MIPOL1: variants seen among roughly 807,000 people sequenced by gnomAD.
The protein encoded by MIPOL1 is mirror-image polydactyly 1.
MIPOL1 carries 57 observed loss-of-function variants against 60.9 expected under a neutral mutation model. The observed-to-expected ratio is 0.94, with a 90% CI of 0.76 to 1.17. The LOEUF (loss-of-function observed/expected upper bound fraction) is 1.17, where lower values mean the gene tolerates loss of function less well. Among genes scored for constraint, MIPOL1 ranks in the 50% most tolerant of loss-of-function variants. The pLI, the probability that MIPOL1 is intolerant of heterozygous loss-of-function variation, is 0.00. For missense variants in MIPOL1, 551 were observed against 511.6 expected, an observed-to-expected ratio of 1.08 and a Z score of -0.74; for synonymous variants, 179 against 168.8, an observed-to-expected ratio of 1.06 and a Z score of -0.47.
intron 10 of MIPOL1, among the ~76,000 whole-genome samples, chr14:37,413,433 G>A (rs1349253084): frequency 6.6e-6 from 1 of 152,168 alleles, no homozygotes; most frequent in East Asian, 1.9e-4. Flanking sequence ...GCAATGGCCA[G>A]TTTAATCTTT....
intron 3 of MIPOL1, among the ~76,000 whole-genome samples, chr14:37,263,705 G>A (rs947863646): frequency 6.6e-6 from 1 of 152,128 alleles, no homozygotes; most frequent in African/African-American, 2.4e-5. Context: ...AGTCCATATG[G>A]ATAAATGAAG....
At chr14:37,485,234 G>A (rs2094929505) in intron 11 of MIPOL1, among the ~76,000 whole-genome samples, 1 of 152,162 alleles carries the variant, frequency 6.6e-6, no homozygotes, top group Non-Finnish European at 1.5e-5. Flanking sequence ...GTCTATCACT[G>A]ATGGGCATTT....
chr14:37,524,572 T>C (rs1327857932), intron 12 of MIPOL1, among the ~76,000 whole-genome samples: 4 of 138,022 alleles, frequency 2.9e-5, no homozygotes, highest in Middle Eastern at 3.6e-3. Context: ...TTTCTTTTCT[T>C]TTTTTTTTTT....
chr14:37,345,623 A>G (rs556180647), intron 9 of MIPOL1, among the ~76,000 whole-genome samples: 6 of 152,290 alleles, frequency 3.9e-5, no homozygotes, highest in South Asian at 4.1e-4. Context: ...CTCTTGTTCC[A>G]GATCTGGAAT....
At chr14:37,356,857 T>A (rs1189829651) in intron 9 of MIPOL1, among the ~76,000 whole-genome samples, 3 of 152,166 alleles carry the variant, frequency 2.0e-5, no homozygotes, top group Non-Finnish European at 4.4e-5. Flanking sequence ...AATGCAGAAA[T>A]CACTGTCTTC....
At chr14:37,361,426 G>T (rs1194504130) in intron 9 of MIPOL1, among the ~76,000 whole-genome samples, 1 of 151,810 alleles carries the variant, frequency 6.6e-6, no homozygotes, top group Non-Finnish European at 1.5e-5. Context: ...TTGACAGTGG[G>T]GTGTTAAGGT....
Position 37,308,463 on chromosome 14 carries a change from A to AG in MIPOL1, c.772_773insG (p.Ile258SerfsTer19). The AG allele has an allele frequency of 6.2e-7, 1 of 1,604,502 alleles. No homozygotes were observed. The stretch of plus-strand genomic sequence containing the variant: ...CAAGACCAAGGAATGTAAAATGAGA[A>AG]TAACTGCAGAAGAAATGAGTGCACT... On this transcript the variant is annotated frameshift_variant, in exon 9 of 13. Coordinates refer to ENST00000684589, the MANE Select transcript of MIPOL1 (RefSeq NM_001388067.1). LOFTEE classifies it high-confidence loss of function.
chr14:37,378,401 A>G (rs936259834), intron 10 of MIPOL1, among the ~76,000 whole-genome samples: 1 of 152,044 alleles, frequency 6.6e-6, no homozygotes, highest in African/African-American at 2.4e-5. Flanking sequence ...CATGATGCAA[A>G]AGCCATTCTC....
intron 11 of MIPOL1, among the ~76,000 whole-genome samples, chr14:37,471,735 T>G (rs1234073344): frequency 6.6e-6 from 1 of 152,184 alleles, no homozygotes. Context: ...TCTTCAGCCA[T>G]CCTTTCTCTT....
rs564474036 is a variant in MIPOL1 at position 37,254,087 on chromosome 14, G to A, written c.19+6180G>A. On this transcript the variant is annotated intron_variant, in intron 3 of 12. Transcript: ENST00000684589. ...ACCATCTAGAATATTTGAGAGAGTGGTTTTAGGAATACTGGCAGCTGGCCA... is the reference window on the plus strand; with the variant it reads ...ACCATCTAGAATATTTGAGAGAGTGATTTTAGGAATACTGGCAGCTGGCCA... 8.6e-5 allele frequency among the ~76,000 whole-genome samples: 13 copies of A among 151,810 alleles called. No individual in the cohort carries two copies. In the South Asian group the frequency reaches 1.7e-3, roughly 19 times the overall value.
chr14:37,547,343 C>A lies in MIPOL1; in HGVS notation c.*372C>A. 1 of 178,672 alleles carries A rather than the reference C, an allele frequency of 5.6e-6. No homozygotes were observed. The allele number at this position is 178,672 out of a possible 1,614,324, so 11.1% of individuals were successfully genotyped here. A position where few individuals can be genotyped will look rare whatever the true frequency, so the allele number is the denominator to read the frequency against. On this transcript the variant is annotated 3_prime_UTR_variant, in exon 13 of 13. Coordinates refer to ENST00000684589, the MANE Select transcript of MIPOL1 (RefSeq NM_001388067.1). ...ATATGGCCCTTTCTGAATCAAAGTG[C>A]GGCAAAGTAAATATTGTCTAAGCTT... is the stretch of plus-strand genomic sequence containing the variant.
intron 9 of MIPOL1, among the ~76,000 whole-genome samples, chr14:37,364,871 C>A (rs954460937): frequency 6.6e-6 from 1 of 152,076 alleles, no homozygotes; most frequent in African/African-American, 2.4e-5. Context: ...ACTGTCTTTT[C>A]ATTTTTTGGT....
intron 1 of MIPOL1, among the ~76,000 whole-genome samples, chr14:37,217,514 G>A (rs7145768): frequency 0.42 from 63,214 of 152,022 alleles, 15,910 homozygotes; most frequent in African/African-American, 0.72. Flanking sequence ...CTAAAACCGA[G>A]TTCAGCAATC....
At chr14:37,483,646 T>A (rs2153600286) in intron 11 of MIPOL1, among the ~76,000 whole-genome samples, 1 of 152,224 alleles carries the variant, frequency 6.6e-6, no homozygotes, top group African/African-American at 2.4e-5. Flanking sequence ...TTGAAATGTT[T>A]TTTTTTAAGG....
At position 37,376,743 on chromosome 14, in the gene MIPOL1, C is replaced by A. The variant is rs111937212; in HGVS notation, c.936+7119C>A. ...TTATGAATAAAGTTTCTATAAACAC[C>A]CATGTGCATTTTGTTTGTATGGACC... is the stretch of plus-strand genomic sequence containing the variant. On this transcript the variant is annotated intron_variant, in intron 10 of 12. Coordinates refer to ENST00000684589, the MANE Select transcript of MIPOL1 (RefSeq NM_001388067.1). Among the ~76,000 whole-genome samples the A allele has an allele frequency of 1.7e-3, 255 of 152,110 alleles. 1 individual carries two copies. The highest frequency in any genetic ancestry group is 5.8e-3 in the African/African-American group (241 of 41,508).
chr14:37,482,823 A>T (rs2153599756), intron 11 of MIPOL1, among the ~76,000 whole-genome samples: 1 of 152,304 alleles, frequency 6.6e-6, no homozygotes, highest in Non-Finnish European at 1.5e-5. Context: ...GAGAAAAGGG[A>T]ACCCTTGTAT....
intron 10 of MIPOL1, among the ~76,000 whole-genome samples, chr14:37,415,690 A>T (rs1210397188): frequency 6.6e-6 from 1 of 152,036 alleles, no homozygotes; most frequent in Non-Finnish European, 1.5e-5. Context: ...TAGTATTTAT[A>T]GCATAGTAGT....
chr14:37,459,143 G>C (rs1594462400), intron 11 of MIPOL1, among the ~76,000 whole-genome samples: 1 of 151,914 alleles, frequency 6.6e-6, no homozygotes, highest in East Asian at 1.9e-4. Context: ...TCCAAAGCTA[G>C]CAGAAGAAAA....
chr14:37,394,249 A>G (rs192170961), intron 10 of MIPOL1, among the ~76,000 whole-genome samples: 1 of 151,436 alleles, frequency 6.6e-6, no homozygotes, highest in African/African-American at 2.4e-5. Context: ...AATTTTTCAT[A>G]TAACTTCTTT....
Sources: allele counts gnomAD v4.1 joint callset (sites outside exome capture counted in the v4.1 genomes callset), GRCh38; gene constraint gnomAD v4.1.1; transcripts MANE v1.5; gene names NCBI Gene and HGNC (gene_info 2026-07-23, HGNC 2026-07-21).